DPY19L1: variants seen among roughly 807,000 people sequenced by gnomAD.
DPY19L1 encodes dpy-19 like C-mannosyltransferase 1.
A neutral mutation model predicts 96.9 loss-of-function variants in DPY19L1; 35 were observed. The ratio of observed to expected loss-of-function variants is 0.36; its 90% CI spans 0.28 to 0.48. The LOEUF (loss-of-function observed/expected upper bound fraction) is 0.48. DPY19L1 is among the 20% of genes least tolerant of loss of function. The pLI, the probability that DPY19L1 is intolerant of heterozygous loss-of-function variation, is 0.99. For missense variants in DPY19L1, 521 were observed against 777.9 expected (o/e 0.67, Z 3.93); for synonymous variants, 205 against 252.6 (o/e 0.81, Z 1.79).
intron 1 of DPY19L1, 22 bp downstream of exon 1, chr7:35,037,075 C>A: frequency 4.7e-6 from 1 of 213,056 alleles, no homozygotes. Flanking sequence ...GTCCCGGCGG[C>A]GCCGGCGCTA....
intron 10 of DPY19L1, among the ~76,000 whole-genome samples, chr7:34,958,753 A>C (rs984516267): frequency 9.9e-5 from 15 of 152,230 alleles, no homozygotes; most frequent in African/African-American, 3.6e-4. Context: ...TTCTGGCAAC[A>C]CTGTATTATT....
At chr7:34,997,753 TATC>T (rs1785326996) in intron 6 of DPY19L1, among the ~76,000 whole-genome samples, 1 of 150,378 alleles carries the variant, frequency 6.6e-6, no homozygotes, top group Admixed American at 6.6e-5. Flanking sequence ...AATAAGAAAA[TATC>T]ATGCAAAATA....
rs527620069 is a variant in DPY19L1, at chr7:35,021,317, G to A, written c.299-2721C>T. The stretch of plus-strand genomic sequence containing the variant: ...TTTATCAAGGTCATCATCCCTCTAT[G>A]TCCTTAAAATACCTTGCTTTCTCAG... On this transcript the variant is annotated intron_variant, in intron 1 of 21. Coordinates refer to ENST00000638088, the MANE Select transcript of DPY19L1 (RefSeq NM_001366673.1). 2.6e-4 allele frequency among the ~76,000 whole-genome samples: 40 copies of A among 152,250 alleles called. 1 individual carries two copies. In the South Asian group the frequency reaches 8.3e-3, roughly 32 times the overall value.
Position 34,930,025 on chromosome 7 carries a change from C to T in DPY19L1, c.*1548G>A, listed in dbSNP as rs892441492. On this transcript the variant is annotated 3_prime_UTR_variant, in exon 22 of 22. Coordinates refer to ENST00000638088, the MANE Select transcript of DPY19L1 (RefSeq NM_001366673.1). Reference sequence around the variant, plus strand: ...ACTTATGTCAGCAAGCTGCTGCTTCCCCGGGACCAGGCCTGCCCTTGGGCT... The same window carrying T: ...ACTTATGTCAGCAAGCTGCTGCTTCTCCGGGACCAGGCCTGCCCTTGGGCT... The T allele has an allele frequency of 2.6e-4, 40 of 152,252 alleles. No individual in the cohort carries two copies. The highest frequency in any genetic ancestry group is 5.1e-4 in the Non-Finnish European group (35 of 68,112). 9.4% of individuals were successfully genotyped at this position (152,252 alleles called of 1,614,324 possible). A position where few individuals can be genotyped will look rare whatever the true frequency, so the allele number is the denominator to read the frequency against.
chr7:35,010,857 T>C (rs183293462), intron 5 of DPY19L1, among the ~76,000 whole-genome samples: 1 of 152,130 alleles, frequency 6.6e-6, no homozygotes, highest in African/African-American at 2.4e-5. Flanking sequence ...TTCAACAGAG[T>C]ATGGCAGAAG....
chr7:35,005,044 A>G (rs1472172426), intron 6 of DPY19L1, among the ~76,000 whole-genome samples: 3 of 152,230 alleles, frequency 2.0e-5, no homozygotes, highest in African/African-American at 7.2e-5. Context: ...GCAACCTCAG[A>G]TAGGATACTG....
At chr7:35,024,449 A>C (rs912583628) in intron 1 of DPY19L1, among the ~76,000 whole-genome samples, 1 of 152,202 alleles carries the variant, frequency 6.6e-6, no homozygotes, top group Non-Finnish European at 1.5e-5. Flanking sequence ...AGCTGAAGTC[A>C]TCAGTATTGG....
intron 6 of DPY19L1, among the ~76,000 whole-genome samples, chr7:35,008,055 TA>T (rs1275783606): frequency 2.0e-5 from 3 of 152,008 alleles, no homozygotes; most frequent in African/African-American, 4.8e-5. Flanking sequence ...TTCCACATAC[TA>T]GATTTTGGCC....
At chr7:34,959,356 A>C (rs1306177645) in intron 10 of DPY19L1, among the ~76,000 whole-genome samples, 1 of 152,190 alleles carries the variant, frequency 6.6e-6, no homozygotes, top group African/African-American at 2.4e-5. Context: ...CAGCAATCCC[A>C]TTGCTGGGTA....
chr7:34,938,120 C>G lies in DPY19L1; in HGVS notation c.1965-1G>C. 6.2e-7 allele frequency: 1 copy of G among 1,610,680 alleles called. No homozygotes were observed. ...TGAGTATACTATTTTTGTTCTGGCTCTTTAAAGAAAAATAATTGGGCATAA... is the reference window on the plus strand; with the variant it reads ...TGAGTATACTATTTTTGTTCTGGCTGTTTAAAGAAAAATAATTGGGCATAA... On this transcript the variant is annotated splice_acceptor_variant, in intron 20 of 21. Transcript: ENST00000638088. LOFTEE classifies it high-confidence loss of function.
intron 7 of DPY19L1, among the ~76,000 whole-genome samples, chr7:34,989,173 G>A (rs1481126584): frequency 2.6e-5 from 4 of 152,154 alleles, no homozygotes; most frequent in African/African-American, 9.7e-5. Context: ...ACTTAAAAGA[G>A]TATCAAATGT....
intron 6 of DPY19L1, among the ~76,000 whole-genome samples, chr7:34,994,991 T>C (rs1785251792): frequency 6.6e-6 from 1 of 152,172 alleles, no homozygotes; most frequent in Admixed American, 6.5e-5. Context: ...TGGTCCAACA[T>C]CTTCCATGAA....
At chr7:35,014,360 A>G (rs930634043) in intron 3 of DPY19L1, among the ~76,000 whole-genome samples, 66 of 152,120 alleles carry the variant, frequency 4.3e-4, no homozygotes, top group African/African-American at 1.5e-3. Context: ...TTGGCACACT[A>G]CTTTGGAAAG....
intron 21 of DPY19L1, among the ~76,000 whole-genome samples, chr7:34,934,994 G>A (rs1352314261): frequency 6.6e-6 from 1 of 152,192 alleles, no homozygotes; most frequent in Non-Finnish European, 1.5e-5. Flanking sequence ...TGTTTTGCCA[G>A]TGAGTGTTCC....
chr7:35,010,134 G>A (rs180962927), intron 6 of DPY19L1, among the ~76,000 whole-genome samples: 23 of 151,348 alleles, frequency 1.5e-4, no homozygotes, highest in African/African-American at 5.1e-4. Flanking sequence ...GGAGGCTGAA[G>A]TGGGAGGATC....
intron 7 of DPY19L1, among the ~76,000 whole-genome samples, chr7:34,985,877 T>C (rs1364132368): frequency 1.3e-5 from 2 of 152,050 alleles, no homozygotes; most frequent in African/African-American, 4.8e-5. Context: ...TTCAGCATTA[T>C]TCACAATAGC....
chr7:35,022,315 A>G (rs1275748229), intron 1 of DPY19L1, among the ~76,000 whole-genome samples: 3 of 152,252 alleles, frequency 2.0e-5, no homozygotes. Flanking sequence ...AAGGTGTTCA[A>G]GGAAAGGTTT....
intron 14 of DPY19L1, among the ~76,000 whole-genome samples, chr7:34,948,052 T>C (rs541723860): frequency 4.6e-5 from 7 of 152,110 alleles, no homozygotes; most frequent in Non-Finnish European, 8.8e-5. Flanking sequence ...CCTGTATATT[T>C]TGTGGGGGAT....
At position 35,013,445 on chromosome 7, in the gene DPY19L1, AT is replaced by A. The variant is rs1009151833; in HGVS notation, c.549+122del. On this transcript the variant is annotated intron_variant, in intron 4 of 21. Transcript: ENST00000638088. ...TTACATATTCCTCCACAAGATACAT[AT>A]TTTCTTTTAAAAAATTAAATACAAT... 2.6e-4 allele frequency: 187 copies of A among 721,396 alleles called. 3 individuals are homozygous for A. Among genetic ancestry groups the A allele is most frequent in the South Asian group, 2.5e-3 (106 of 43,194 alleles). The allele number at this position is 721,396 out of a possible 1,614,324, so 44.7% of individuals were successfully genotyped here. A position where few individuals can be genotyped will look rare whatever the true frequency, so the allele number is the denominator to read the frequency against.
Sources: allele counts gnomAD v4.1 joint callset (sites outside exome capture counted in the v4.1 genomes callset), GRCh38; gene constraint gnomAD v4.1.1; transcripts MANE v1.5; gene names NCBI Gene and HGNC (gene_info 2026-07-23, HGNC 2026-07-21).